Variants in NCAN observed in about 807,000 individuals in gnomAD.
NCAN encodes the protein neurocan.
In NCAN, 47 loss-of-function variants were observed where a neutral mutation model predicts 121.8. That is an observed-to-expected ratio of 0.39 (90% CI 0.31 to 0.49). The LOEUF is 0.49. Ranked by LOEUF, NCAN falls within the 20% of genes least tolerant of loss-of-function variation. NCAN has a pLI of 0.92. For missense variants in NCAN, 1,517 were observed against 1,773.4 expected (o/e 0.86, Z 2.60); for synonymous variants, 633 against 702.0 (o/e 0.90, Z 1.55).
intron 12 of NCAN, among the ~76,000 whole-genome samples, chr19:19,243,527 A>AAAAG (rs2146557271): frequency 6.6e-6 from 1 of 151,298 alleles, no homozygotes; most frequent in African/African-American, 2.4e-5. Flanking sequence ...AAAAAAAAAA[A>AAAAG]AAAAAAAGAA....
In NCAN at chr19:19,227,501, C is replaced by T; in HGVS notation, c.1881C>T (p.Ser627=). ...GGGAGGCATTCCCTGTGGCCACCTC[C>T]CCAGATCTCCCTATGATGGCCATGC... ...APWEAFPVAT[S]PDLPMMAMLR... Residue 627 remains serine, a synonymous_variant, in exon 8 of 15, where the codon TCC becomes TCT. Transcript: ENST00000252575. The surrounding 1 kb of genome is among the most constrained non-coding windows in gnomAD (Gnocchi z 4.2). The T allele has an allele frequency of 6.2e-7, 1 of 1,613,822 alleles. No individual in the cohort carries two copies. The highest frequency in any genetic ancestry group is 8.5e-7 in the Non-Finnish European group (1 of 1,179,980).
Position 19,228,647 on chromosome 19 carries a change from CA to C in NCAN, c.3019+11del, listed in dbSNP as rs1344621369. On this transcript the variant is annotated intron_variant, in intron 8 of 14. Coordinates refer to ENST00000252575, the MANE Select transcript of NCAN (RefSeq NM_004386.3). ...ATGCAGGTGCGGAGGAGGGTGAGTA[CA>C]AAGTCCCGGGGCTCTGTCCAGCTCT... is the stretch of plus-strand genomic sequence containing the variant. 1 of 1,600,164 alleles carries C rather than the reference CA, an allele frequency of 6.2e-7. No individual in the cohort carries two copies. The highest frequency in any genetic ancestry group is 1.3e-5 in the African/African-American group (1 of 74,698).
intron 12 of NCAN, 36 bp downstream of exon 12, chr19:19,240,721 C>T (rs768495372): frequency 1.9e-6 from 3 of 1,587,434 alleles, no homozygotes; most frequent in Non-Finnish European, 2.6e-6. Context: ...GGCTGCTGAG[C>T]CACATCAGCC....
intron 8 of NCAN, among the ~76,000 whole-genome samples, chr19:19,233,518 C>G (rs149776696): frequency 2.0e-5 from 3 of 152,248 alleles, no homozygotes; most frequent in African/African-American, 7.2e-5. Flanking sequence ...CAGCCCTGGT[C>G]TCTGGGAGCC....
chr19:19,227,374 T>C lies in NCAN; in HGVS notation c.1754T>C (p.Leu585Pro). The change falls in exon 8 of 15, where the codon CTG becomes CCG. Residue 585 changes from leucine (L) to proline (P), a missense_variant. By Grantham distance (98) the Leu-to-Pro change is moderately conservative. Transcript: ENST00000252575. This position sits in a 1 kb window ranked among gnomAD's most constrained non-coding sequence, Gnocchi z 4.2. ...SISGHSRAPV[L>P]ELEKAEGPSA... is the part of the protein sequence containing the mutation. ...TCAGGCCACAGCAGGGCCCCTGTCC[T>C]GGAGCTAGAGAAAGCCGAGGGCCCC... The C allele has an allele frequency of 6.2e-7, 1 of 1,613,578 alleles. No homozygotes were observed. Among genetic ancestry groups the C allele is most frequent in the Non-Finnish European group, 8.5e-7 (1 of 1,179,932 alleles).
rs1284582050 is a variant in NCAN at position 19,228,234 on chromosome 19, C to A, written c.2614C>A (p.Pro872Thr). ...GGCCCTGGATACAAGCATTGTGACG[C>A]CCCTCACGACCCTGGAGCAGGGGGA... ...QVALDTSIVTPLTTLEQGDKV... is the reference protein window; with the variant it reads ...QVALDTSIVTTLTTLEQGDKV... The change falls in exon 8 of 15, where the codon CCC (proline) becomes ACC (threonine). Residue 872 changes from proline (P) to threonine (T), a missense_variant. Coordinates refer to ENST00000252575, the MANE Select transcript of NCAN (RefSeq NM_004386.3). 6.2e-7 allele frequency: 1 copy of A among 1,613,902 alleles called. No homozygotes were observed. Among genetic ancestry groups the A allele is most frequent in the Non-Finnish European group, 8.5e-7 (1 of 1,180,016 alleles).
intron 1 of NCAN, among the ~76,000 whole-genome samples, chr19:19,215,954 ATGTAT>A (rs2060794582): frequency 6.6e-6 from 1 of 152,196 alleles, no homozygotes; most frequent in South Asian, 2.1e-4. Flanking sequence ...AGCATTTTAT[ATGTAT>A]TGACTCATCC....
chr19:19,238,718 A>G (rs2060890994), intron 11 of NCAN: 1 of 433,618 alleles, frequency 2.3e-6, no homozygotes. Context: ...CTTTGTCCCC[A>G]GGGAGTGACC....
intron 12 of NCAN, 79 bp downstream of exon 12, chr19:19,240,764 A>G: frequency 6.9e-7 from 1 of 1,440,902 alleles, no homozygotes; most frequent in Non-Finnish European, 9.7e-7. Context: ...CCTTTTGTGC[A>G]AAGTTATCGC....
rs200410623 is a variant in NCAN, at chr19:19,227,968, C to T, written c.2348C>T (p.Pro783Leu). ...ATVDEVQDPW[P>L]SVYSKGLDAS... ...GTAGATGAGGTGCAGGACCCCTGGC[C>T]CTCAGTGTACAGCAAAGGGCTGGAT... Residue 783 changes from proline to leucine, a missense_variant, in exon 8 of 15, where the codon CCC becomes CTC. Coordinates refer to ENST00000252575, the MANE Select transcript of NCAN (RefSeq NM_004386.3). This position sits in a 1 kb window ranked among gnomAD's most constrained non-coding sequence, Gnocchi z 4.2. The T allele has an allele frequency of 6.2e-7, 1 of 1,613,354 alleles. No individual in the cohort carries two copies. The highest frequency in any genetic ancestry group is 2.2e-5 in the East Asian group (1 of 44,862).
In NCAN at chr19:19,228,193, C is replaced by A; in HGVS notation, c.2573C>A (p.Thr858Asn). ...GTGTTTGAAGAAGCCGAAAGCACCA[C>A]CTTGAGCCCTCAGGTGGCCCTGGAT... Reference protein sequence around the residue: ...SQVFEEAESTTLSPQVALDTS... With the variant: ...SQVFEEAESTNLSPQVALDTS... Residue 858 changes from threonine to asparagine, a missense_variant, in exon 8 of 15, where the codon ACC becomes AAC. Thr to Asn is a moderately conservative substitution (Grantham distance 65). Transcript: ENST00000252575. The A allele has an allele frequency of 6.2e-7, 1 of 1,613,926 alleles. No homozygotes were observed. The highest frequency in any genetic ancestry group is 1.1e-5 in the South Asian group (1 of 91,080).
intron 8 of NCAN, among the ~76,000 whole-genome samples, chr19:19,233,355 A>T (rs999282200): frequency 1.3e-5 from 2 of 151,114 alleles, no homozygotes; most frequent in Non-Finnish European, 2.9e-5. Context: ...TCAGTCTGTC[A>T]CCCAGGCTAG....
rs2060826130 is a variant in NCAN, at chr19:19,224,073, T to C, written c.528T>C (p.Ala176=). 1.9e-6 allele frequency: 3 copies of C among 1,598,472 alleles called. No individual in the cohort carries two copies. The highest frequency in any genetic ancestry group is 1.7e-6 in the Non-Finnish European group (2 of 1,168,864). Residue 176 remains alanine, a synonymous_variant, in exon 4 of 15, where the codon GCT becomes GCC. Transcript: ENST00000252575. ...GGGACCGCTATGCACTGACCTTCGC[T>C]GAGGCCCAGGAGGCCTGCCGTCTCA... is the stretch of plus-strand genomic sequence containing the variant. ...SARDRYALTF[A]EAQEACRLSS...
chr19:19,228,264 G>A lies in NCAN; in HGVS notation c.2644G>A (p.Val882Ile). 6.2e-7 allele frequency: 1 copy of A among 1,613,976 alleles called. No homozygotes were observed. The highest frequency in any genetic ancestry group is 8.5e-7 in the Non-Finnish European group (1 of 1,180,020). ...CACGACCCTGGAGCAGGGGGACAAG[G>A]TTGGAGTTCCAGCCATGTCTACACT... is the stretch of plus-strand genomic sequence containing the variant. The part of the protein sequence containing the change: ...PLTTLEQGDK[V>I]GVPAMSTLGS... The change falls in exon 8 of 15, where the codon GTT becomes ATT. Residue 882 changes from valine to isoleucine, a missense_variant. Transcript: ENST00000252575.
In NCAN at chr19:19,227,136, C is replaced by T; in HGVS notation, c.1660+63C>T. 6.7e-6 allele frequency: 10 copies of T among 1,491,946 alleles called. No homozygotes were observed. Among genetic ancestry groups the T allele is most frequent in the Non-Finnish European group, 8.9e-6 (10 of 1,121,910 alleles). 92.4% of individuals were successfully genotyped at this position (1,491,946 alleles called of 1,614,324 possible). On this transcript the variant is annotated intron_variant, in intron 7 of 14. Coordinates refer to ENST00000252575, the MANE Select transcript of NCAN (RefSeq NM_004386.3). This position sits in a 1 kb window ranked among gnomAD's most constrained non-coding sequence, Gnocchi z 4.2. Reference sequence around the variant, plus strand: ...TCTGGAGGTGAGGGTAGAGAGGTAGCCATGGCTACACTCAGAATGAGGGAG... The same window carrying T: ...TCTGGAGGTGAGGGTAGAGAGGTAGTCATGGCTACACTCAGAATGAGGGAG...
At chr19:19,223,692 C>T (rs891694616) in intron 3 of NCAN, among the ~76,000 whole-genome samples, 2 of 152,066 alleles carry the variant, frequency 1.3e-5, no homozygotes, top group Admixed American at 6.6e-5. Context: ...AGGCTGGTCT[C>T]GAACTCCTGA....
intron 3 of NCAN, among the ~76,000 whole-genome samples, chr19:19,220,137 CT>C (rs1314334287): frequency 3.3e-5 from 5 of 152,044 alleles, no homozygotes; most frequent in Admixed American, 3.3e-4. Context: ...GCCACAATAT[CT>C]AGGCAGGATT....
In NCAN at chr19:19,238,383, C is replaced by T. The variant is rs1156400896; in HGVS notation, c.3381C>T (p.His1127=). ...RRRSGHLTSV[H]SPEEHSFINS... ...GCTCCGGCCACCTGACCAGCGTCCA[C>T]TCACCGGAGGAACACAGCTTCATTA... Residue 1127 remains histidine, a synonymous_variant, in exon 11 of 15, where the codon CAC becomes CAT. Coordinates refer to ENST00000252575, the MANE Select transcript of NCAN (RefSeq NM_004386.3). 2.5e-6 allele frequency: 4 copies of T among 1,614,214 alleles called. No individual in the cohort carries two copies. Among genetic ancestry groups the T allele is most frequent in the South Asian group, 1.1e-5 (1 of 91,090 alleles).
chr19:19,221,254 A>T (rs1005273857), intron 3 of NCAN, among the ~76,000 whole-genome samples: 3 of 151,042 alleles, frequency 2.0e-5, no homozygotes, highest in Non-Finnish European at 4.4e-5. Flanking sequence ...AATAATAATA[A>T]TATGGCTGGG....
Sources: allele counts gnomAD v4.1 joint callset (sites outside exome capture counted in the v4.1 genomes callset), GRCh38; gene constraint gnomAD v4.1.1; non-coding constraint Gnocchi (gnomAD v3.1); transcripts MANE v1.5; gene names NCBI Gene and HGNC (gene_info 2026-07-23, HGNC 2026-07-21).